The following SUCLG2 variants were observed in gnomAD, a reference collection of about 807,000 sequenced individuals.
The protein encoded by SUCLG2 is succinate-CoA ligase GDP-forming subunit beta.
A neutral mutation model predicts 47.9 loss-of-function variants in SUCLG2; 42 were observed. The observed-to-expected ratio is 0.88, with a 90% CI of 0.69 to 1.14. SUCLG2 has a LOEUF of 1.14. Among genes scored for constraint, SUCLG2 ranks in the 50% most tolerant of loss-of-function variants. The pLI is 0.00. For synonymous variants in SUCLG2, 195 were observed against 197.3 expected (o/e 0.99, Z 0.10); for missense variants, 571 against 525.9 (o/e 1.09, Z -0.84).
At chr3:67,590,567 G>A (rs1034564415) in intron 2 of SUCLG2, among the ~76,000 whole-genome samples, 10 of 152,198 alleles carry the variant, frequency 6.6e-5, no homozygotes, top group African/African-American at 1.4e-4. Flanking sequence ...CCTCCCACTC[G>A]TGCTCCCTCT....
chr3:67,430,307 C>T (rs898448997), intron 9 of SUCLG2, among the ~76,000 whole-genome samples: 9 of 152,100 alleles, frequency 5.9e-5, no homozygotes, highest in African/African-American at 1.7e-4. Context: ...CACTCAAAAC[C>T]GCTCAACTAC....
intron 9 of SUCLG2, among the ~76,000 whole-genome samples, chr3:67,439,187 C>A (rs1703696791): frequency 6.6e-6 from 1 of 152,068 alleles, no homozygotes; most frequent in Non-Finnish European, 1.5e-5. Flanking sequence ...AAATTCAACA[C>A]CTCTTCATGC....
chr3:67,449,567 A>T (rs1333885128), intron 9 of SUCLG2, among the ~76,000 whole-genome samples: 2 of 111,068 alleles, frequency 1.8e-5, no homozygotes, highest in African/African-American at 3.7e-5. Flanking sequence ...TTTTTTTTTT[A>T]CCACAACAGT....
At chr3:67,482,987 C>G (rs1361221297) in intron 9 of SUCLG2, among the ~76,000 whole-genome samples, 1 of 152,000 alleles carries the variant, frequency 6.6e-6, no homozygotes, top group Non-Finnish European at 1.5e-5. Flanking sequence ...TGAAAAAACC[C>G]ACAGATAAGC....
chr3:67,536,106 G>C (rs1304377416), intron 2 of SUCLG2, among the ~76,000 whole-genome samples: 1 of 152,178 alleles, frequency 6.6e-6, no homozygotes, highest in African/African-American at 2.4e-5. Flanking sequence ...CATAACCAGT[G>C]ATGAGGAAGG....
chr3:67,611,788 C>T (rs1700531744), intron 1 of SUCLG2, among the ~76,000 whole-genome samples: 1 of 152,164 alleles, frequency 6.6e-6, no homozygotes, highest in African/African-American at 2.4e-5. Context: ...CTGCTGGAAA[C>T]TAATTGCAAT....
At chr3:67,457,048 T>G (rs1056818529) in intron 9 of SUCLG2, among the ~76,000 whole-genome samples, 2 of 152,206 alleles carry the variant, frequency 1.3e-5, no homozygotes, top group African/African-American at 4.8e-5. Flanking sequence ...CATCATATAA[T>G]AACATTGTAT....
intron 9 of SUCLG2, among the ~76,000 whole-genome samples, chr3:67,422,688 C>T (rs1194564947): frequency 6.6e-6 from 1 of 151,790 alleles, no homozygotes; most frequent in Non-Finnish European, 1.5e-5. Context: ...CTAAGAACAT[C>T]TTATAAACCA....
intron 2 of SUCLG2, among the ~76,000 whole-genome samples, chr3:67,544,035 T>C (rs1449885562): frequency 1.3e-5 from 2 of 152,202 alleles, no homozygotes; most frequent in Admixed American, 6.5e-5. Flanking sequence ...GGAAAATGTT[T>C]TGCCCTTTTA....
chr3:67,439,336 G>T (rs1703701441), intron 9 of SUCLG2, among the ~76,000 whole-genome samples: 1 of 152,172 alleles, frequency 6.6e-6, no homozygotes, highest in Non-Finnish European at 1.5e-5. Context: ...ACAAGACAAG[G>T]ATGCCCTCTC....
chr3:67,360,820 G>C (rs1235117804), intron 10 of SUCLG2: 53 of 1,391,918 alleles, frequency 3.8e-5, no homozygotes, highest in Non-Finnish European at 4.8e-5. Flanking sequence ...AATATATTTA[G>C]ATGAACAACA....
At chr3:67,547,138 G>A (rs1460302495) in intron 2 of SUCLG2, among the ~76,000 whole-genome samples, 1 of 152,096 alleles carries the variant, frequency 6.6e-6, no homozygotes. Flanking sequence ...TCCTGCATGG[G>A]ATTAGTGCCC....
intron 1 of SUCLG2, among the ~76,000 whole-genome samples, chr3:67,613,999 G>A (rs1462994921): frequency 2.0e-5 from 3 of 152,166 alleles, no homozygotes; most frequent in African/African-American, 4.8e-5. Flanking sequence ...AGGGAGGGAG[G>A]TGGAGATGTG....
At chr3:67,539,118 G>C (rs1478421053) in intron 2 of SUCLG2, among the ~76,000 whole-genome samples, 2 of 152,144 alleles carry the variant, frequency 1.3e-5, no homozygotes, top group Non-Finnish European at 2.9e-5. Flanking sequence ...GGTGAGAGAG[G>C]GCATCCTTGT....
At chr3:67,470,730 A>G (rs1255252579) in intron 9 of SUCLG2, among the ~76,000 whole-genome samples, 1 of 152,194 alleles carries the variant, frequency 6.6e-6, no homozygotes, top group South Asian at 2.1e-4. Flanking sequence ...AGCCTCTAGA[A>G]CTGTAAGCCA....
At chr3:67,588,061 A>G (rs1394861958) in intron 2 of SUCLG2, among the ~76,000 whole-genome samples, 1 of 152,252 alleles carries the variant, frequency 6.6e-6, no homozygotes, top group Admixed American at 6.5e-5. Flanking sequence ...TCAGACTGGG[A>G]AAAGATCATT....
chr3:67,496,881 G>C (rs1418456876), intron 8 of SUCLG2, among the ~76,000 whole-genome samples: 2 of 151,752 alleles, frequency 1.3e-5, no homozygotes, highest in Admixed American at 6.6e-5. Flanking sequence ...CCCTAGAAAA[G>C]CCTATGACTG....
At chr3:67,386,034 C>T (rs1316270843) in intron 10 of SUCLG2, among the ~76,000 whole-genome samples, 3 of 152,188 alleles carry the variant, frequency 2.0e-5, no homozygotes, top group African/African-American at 7.2e-5. Context: ...GTGAGAAAGT[C>T]AGTTCTGTGG....
At chr3:67,567,514 A>G (rs1437931016) in intron 2 of SUCLG2, among the ~76,000 whole-genome samples, 1 of 152,104 alleles carries the variant, frequency 6.6e-6, no homozygotes, top group Non-Finnish European at 1.5e-5. Context: ...CCTGGCCTCA[A>G]GCGATCCTGC....
Sources: gnomAD v4.1 joint callset for allele counts (sites outside exome capture counted in the v4.1 genomes callset) on GRCh38, gnomAD v4.1.1 for gene constraint, MANE v1.5 for transcripts, NCBI Gene and HGNC (gene_info 2026-07-23, HGNC 2026-07-21) for gene names.